CRYBG3: variants seen among roughly 807,000 people sequenced by gnomAD.
CRYBG3 encodes crystallin beta-gamma domain containing 3, also known as very large A-kinase anchor protein.
A neutral mutation model predicts 244.2 loss-of-function variants in CRYBG3; 127 were observed. The ratio of observed to expected loss-of-function variants is 0.52; its 90% CI spans 0.45 to 0.60. CRYBG3 has a LOEUF of 0.60. CRYBG3 is among the 20% of genes least tolerant of loss of function. CRYBG3 has a pLI of 0.00. For missense variants in CRYBG3, 3,325 were observed against 3,442.5 expected, an observed-to-expected ratio of 0.97 and a Z score of 0.85; for synonymous variants, 1,132 against 1,195.8, an observed-to-expected ratio of 0.95 and a Z score of 1.10.
At position 97,875,183 on chromosome 3, in the gene CRYBG3, A is replaced by G. The variant is rs779724894; in HGVS notation, c.3989A>G (p.Asp1330Gly). The change falls in exon 4 of 22, where the codon GAT (aspartate) becomes GGT (glycine). Residue 1330 changes from aspartate (D) to glycine (G), a missense_variant. Asp to Gly is a moderately conservative substitution (Grantham distance 94). This residue lies in a region of CRYBG3 where 635 missense variants were observed against 771.7 expected (regional missense o/e 0.82). Coordinates refer to ENST00000389622, the MANE Select transcript of CRYBG3 (RefSeq NM_153605.4). ...LRNDTFEDTE[D>G]TWDSELQANT... Reference sequence around the variant, plus strand: ...AATGATACTTTTGAAGATACTGAGGATACTTGGGATTCTGAACTTCAGGCT... The same window carrying G: ...AATGATACTTTTGAAGATACTGAGGGTACTTGGGATTCTGAACTTCAGGCT... 8 of 1,535,184 alleles carry G rather than the reference A, an allele frequency of 5.2e-6. No homozygotes were observed. In the African/African-American group the frequency reaches 8.2e-5, roughly 16 times the overall value.
chr3:97,873,299 A>T lies in CRYBG3; in HGVS notation c.2105A>T (p.Glu702Val), dbSNP rs1458974010. The T allele has an allele frequency of 7.2e-6, 11 of 1,535,770 alleles. No homozygotes were observed. The East Asian group carries it at 2.7e-4, about 38-fold the overall frequency. The change falls in exon 4 of 22, where the codon GAA becomes GTA. Residue 702 changes from glutamate to valine, a missense_variant. This residue lies in a region of CRYBG3 where 1,526 missense variants were observed against 1,443.2 expected (regional missense o/e 1.06). Transcript: ENST00000389622. ...GISYQPRKCK[E>V]ENVKNHVEAA... Reference sequence around the variant, plus strand: ...TCCTATCAGCCTAGGAAGTGTAAAGAAGAAAATGTGAAAAACCATGTTGAG... The same window carrying T: ...TCCTATCAGCCTAGGAAGTGTAAAGTAGAAAATGTGAAAAACCATGTTGAG...
chr3:97,901,789 C>A (rs1375640074), intron 15 of CRYBG3, among the ~76,000 whole-genome samples: 1 of 151,996 alleles, frequency 6.6e-6, no homozygotes, highest in Admixed American at 6.6e-5. Flanking sequence ...TTGTTTGGGG[C>A]AGATTGCTGG....
At chr3:97,937,559 C>G (rs1003146979) in intron 19 of CRYBG3, among the ~76,000 whole-genome samples, 22 of 152,036 alleles carry the variant, frequency 1.4e-4, no homozygotes, top group African/African-American at 5.3e-4. Context: ...GAATGCCTCC[C>G]CCACCTTCTC....
Position 97,942,291 on chromosome 3 carries a change from A to G in CRYBG3, c.8672A>G (p.Asp2891Gly). ...CRGLFKSKAS[D>G]TCLDVIGGRD... is the part of the protein sequence containing the mutation. ...ATTTCTTAACCCTTTTAGGCCAGTG[A>G]TACATGTCTTGATGTGATTGGTGGC... The change falls in exon 21 of 22, where the codon GAT (aspartate) becomes GGT (glycine). Residue 2891 changes from aspartate (D) to glycine (G), a missense_variant. Asp to Gly is a moderately conservative substitution (Grantham distance 94). Around this residue, in one of 4 missense-constraint regions of CRYBG3, gnomAD observed 714 missense variants for 803.6 expected, o/e 0.89. Coordinates refer to ENST00000389622, the MANE Select transcript of CRYBG3 (RefSeq NM_153605.4). 6.2e-7 allele frequency: 1 copy of G among 1,607,534 alleles called. No individual in the cohort carries two copies. The highest frequency in any genetic ancestry group is 8.5e-7 in the Non-Finnish European group (1 of 1,176,190).
intron 16 of CRYBG3, among the ~76,000 whole-genome samples, chr3:97,915,156 G>T (rs1370737779): frequency 6.6e-6 from 1 of 152,100 alleles, no homozygotes; most frequent in East Asian, 1.9e-4. Flanking sequence ...CTTATAATCT[G>T]TTCAGGTACT....
chr3:97,823,261 C>A (rs2038532189), intron 1 of CRYBG3, among the ~76,000 whole-genome samples: 1 of 152,018 alleles, frequency 6.6e-6, no homozygotes, highest in East Asian at 1.9e-4. Context: ...CTGTCTTCTC[C>A]CGAGATTGCA....
intron 15 of CRYBG3, among the ~76,000 whole-genome samples, chr3:97,908,179 T>G (rs200216315): frequency 6.6e-6 from 1 of 152,208 alleles, no homozygotes. Flanking sequence ...ATGTGGTCAA[T>G]TTTGGAATAG....
intron 11 of CRYBG3, 40 bp from the exon 12 acceptor site, chr3:97,895,918 GT>G (rs2039634312): frequency 6.3e-7 from 1 of 1,596,216 alleles, no homozygotes. Flanking sequence ...CTTGACTACA[GT>G]TTTATTAATG....
At chr3:97,826,808 T>C (rs2038583503) in intron 1 of CRYBG3, among the ~76,000 whole-genome samples, 2 of 152,222 alleles carry the variant, frequency 1.3e-5, no homozygotes, top group African/African-American at 4.8e-5. Flanking sequence ...ATGGAGGAGA[T>C]AAAAGTGTAC....
chr3:97,880,249 G>A (rs1318167143), intron 6 of CRYBG3, 149 bp downstream of exon 6: 4 of 549,036 alleles, frequency 7.3e-6, no homozygotes, highest in Non-Finnish European at 3.2e-6. Flanking sequence ...TTATTAGTGT[G>A]TTATAACTTA....
In CRYBG3 at chr3:97,942,422, C is replaced by T; in HGVS notation, c.8803C>T (p.Gln2935Ter). 1 of 1,610,664 alleles carries T rather than the reference C, an allele frequency of 6.2e-7. No homozygotes were observed. The highest frequency in any genetic ancestry group is 8.5e-7 in the Non-Finnish European group (1 of 1,177,882). Residue 2935 changes from glutamine to a stop codon, truncating the protein, a stop_gained, in exon 21 of 22, where the codon CAA (glutamine) becomes TAA (stop). Coordinates refer to ENST00000389622, the MANE Select transcript of CRYBG3 (RefSeq NM_153605.4). LOFTEE classifies it high-confidence loss of function. Reference sequence around the variant, plus strand: ...AACTATCAGCTCTTATCTCAGTGATCAACTTGTCCTTGATGTTAAAGGTGG... The same window carrying T: ...AACTATCAGCTCTTATCTCAGTGATTAACTTGTCCTTGATGTTAAAGGTGG... ...NGTISSYLSD[Q>*]LVLDVKGGNY...
intron 3 of CRYBG3, among the ~76,000 whole-genome samples, chr3:97,869,820 G>A (rs1480316928): frequency 6.6e-6 from 1 of 152,020 alleles, no homozygotes; most frequent in Non-Finnish European, 1.5e-5. Flanking sequence ...ATTTTAAGGG[G>A]CCAGGAGATA....
intron 17 of CRYBG3, chr3:97,924,274 G>T (rs901825633): frequency 5.8e-5 from 20 of 347,378 alleles, no homozygotes; most frequent in Non-Finnish European, 1.0e-4. Flanking sequence ...ACAAAAATAA[G>T]TTCCAGATGG....
chr3:97,826,700 A>G lies in CRYBG3; in HGVS notation c.149+4345A>G, dbSNP rs117971983. Among the ~76,000 whole-genome samples, 111 of 152,334 alleles carry G rather than the reference A, an allele frequency of 7.3e-4. 2 individuals are homozygous for G. In the East Asian group the frequency reaches 0.021, roughly 29 times the overall value. ...CCTACTTTGAGTCTGTTCAATCCATAAGTTAGAGTGGCTGCTTTGTGTCTC... is the reference window on the plus strand; with the variant it reads ...CCTACTTTGAGTCTGTTCAATCCATGAGTTAGAGTGGCTGCTTTGTGTCTC... On this transcript the variant is annotated intron_variant, in intron 1 of 21. Coordinates refer to ENST00000389622, the MANE Select transcript of CRYBG3 (RefSeq NM_153605.4).
Position 97,877,753 on chromosome 3 carries a change from C to A in CRYBG3, c.6559C>A (p.Gln2187Lys). 1 of 1,614,078 alleles carries A rather than the reference C, an allele frequency of 6.2e-7. No individual in the cohort carries two copies. Among genetic ancestry groups the A allele is most frequent in the Non-Finnish European group, 8.5e-7 (1 of 1,179,998 alleles). The stretch of plus-strand genomic sequence containing the variant: ...TTCCATCACATTTTACCCTGATGAC[C>A]AGGAGAGCGTTGGAATTTCTAAGAA... ...DPSITFYPDD[Q>K]ESVGISKNSY... The change falls in exon 4 of 22, where the codon CAG (glutamine) becomes AAG (lysine). Residue 2187 changes from glutamine to lysine, a missense_variant. Coordinates refer to ENST00000389622, the MANE Select transcript of CRYBG3 (RefSeq NM_153605.4).
chr3:97,867,335 G>A (rs1197419433), intron 3 of CRYBG3, among the ~76,000 whole-genome samples: 2 of 152,142 alleles, frequency 1.3e-5, no homozygotes, highest in Non-Finnish European at 1.5e-5. Context: ...TGAAGAGAGT[G>A]AGCAAGTAAA....
At position 97,822,239 on chromosome 3, in the gene CRYBG3, CT is replaced by C. The variant is rs947395496; in HGVS notation, c.34del (p.Trp12GlyfsTer45). 1.3e-6 allele frequency: 2 copies of C among 1,530,836 alleles called. No homozygotes were observed. Among genetic ancestry groups the C allele is most frequent in the Admixed American group, 4.0e-5 (2 of 50,576 alleles). 94.8% of individuals were successfully genotyped at this position (1,530,836 alleles called of 1,614,324 possible). A position where few individuals can be genotyped will look rare whatever the true frequency, so the allele number is the denominator to read the frequency against. On this transcript the variant is annotated frameshift_variant, in exon 1 of 22. Transcript: ENST00000389622. LOFTEE classifies it high-confidence loss of function. ...SSGRRRGSAP[W>X]HSFSRFFAPR... ...GCGGCCGCAGAAGGGGCAGCGCCCC[CT>C]GGCACAGCTTCTCCCGGTTCTTCGC...
chr3:97,905,206 G>A (rs999270051), intron 15 of CRYBG3, among the ~76,000 whole-genome samples: 3 of 151,848 alleles, frequency 2.0e-5, no homozygotes, highest in African/African-American at 7.3e-5. Context: ...ATAAATATAC[G>A]TGTGCATGTG....
rs1365807856 is a variant in CRYBG3, at chr3:97,874,294, G to A, written c.3100G>A (p.Val1034Met). The change falls in exon 4 of 22, where the codon GTG becomes ATG. Residue 1034 changes from valine to methionine, a missense_variant. Coordinates refer to ENST00000389622, the MANE Select transcript of CRYBG3 (RefSeq NM_153605.4). ...EDSSFLKVPS[V>M]LKLEKKSSSY... ...CTCAAGCTTCCTTAAAGTACCTTCT[G>A]TGCTGAAATTGGAAAAGAAATCCTC... The A allele has an allele frequency of 3.3e-6, 5 of 1,529,096 alleles. No homozygotes were observed. The highest frequency in any genetic ancestry group is 1.7e-4 in the Middle Eastern group (1 of 5,956). The allele number at this position is 1,529,096 out of a possible 1,614,324, so 94.7% of individuals were successfully genotyped here. A position where few individuals can be genotyped will look rare whatever the true frequency, so the allele number is the denominator to read the frequency against.
Sources: allele counts gnomAD v4.1 joint callset (sites outside exome capture counted in the v4.1 genomes callset), GRCh38; gene constraint gnomAD v4.1.1; regional missense constraint gnomAD v4.1.1; transcripts MANE v1.5; gene names NCBI Gene and HGNC (gene_info 2026-07-23, HGNC 2026-07-21).